CDC7: variants seen among roughly 807,000 people sequenced by gnomAD.
The protein encoded by CDC7 is cell division cycle 7, also known as cell division cycle 7-related protein kinase.
CDC7 carries 34 observed loss-of-function variants against 53.5 expected under a neutral mutation model. The ratio of observed to expected loss-of-function variants is 0.64; its 90% CI spans 0.48 to 0.85. The LOEUF (loss-of-function observed/expected upper bound fraction) is 0.85, where lower values mean the gene tolerates loss of function less well. CDC7 is among the 40% of genes least tolerant of loss of function. CDC7 has a pLI of 0.00. For synonymous variants in CDC7, 211 were observed against 222.8 expected (o/e 0.95, Z 0.47); for missense variants, 594 against 679.7 (o/e 0.87, Z 1.40).
chr1:91,520,427 C>T, intron 11 of CDC7, 148 bp downstream of exon 11: 1 of 604,516 alleles, frequency 1.7e-6, no homozygotes, highest in Non-Finnish European at 2.7e-6. Context: ...TCTTCAGTTG[C>T]TTGAAAATAA....
At chr1:91,521,806 T>C (rs961516732) in intron 11 of CDC7, among the ~76,000 whole-genome samples, 1 of 152,036 alleles carries the variant, frequency 6.6e-6, no homozygotes, top group Non-Finnish European at 1.5e-5. Context: ...AAAAATACTC[T>C]AGATCAAGTG....
At position 91,511,918 on chromosome 1, in the gene CDC7, GA is replaced by G; in HGVS notation, c.572del (p.Lys191SerfsTer5). ...GCAATTTTTTATATAATAGGCGCCT[GA>G]AAAAGTAAGTATGAAGAGTTACTAG... ...PSNFLYNRRL[K>X]KYALVDFGLA... On this transcript the variant is annotated frameshift_variant, in exon 6 of 12. Transcript: ENST00000234626. LOFTEE classifies it high-confidence loss of function. 6.4e-7 allele frequency: 1 copy of G among 1,574,018 alleles called. No individual in the cohort carries two copies. The highest frequency in any genetic ancestry group is 8.7e-7 in the Non-Finnish European group (1 of 1,154,148).
chr1:91,508,391 T>C lies in CDC7; in HGVS notation c.329T>C (p.Val110Ala), dbSNP rs775728871. ...GCAGCTGAACTTCAGTGCCTAACAG[T>C]GGCTGGGTAGGCAATTTAAACATAT... ...RIAAELQCLT[V>A]AGGQDNVMGV... Residue 110 changes from valine (V) to alanine (A), a missense_variant, in exon 4 of 12, where the codon GTG becomes GCG. Coordinates refer to ENST00000234626, the MANE Select transcript of CDC7 (RefSeq NM_003503.4). 1.9e-6 allele frequency: 3 copies of C among 1,607,292 alleles called. No individual in the cohort carries two copies. The highest frequency in any genetic ancestry group is 2.5e-6 in the Non-Finnish European group (3 of 1,176,830).
chr1:91,518,684 T>G (rs111349457), intron 10 of CDC7, among the ~76,000 whole-genome samples: 216 of 152,126 alleles, frequency 1.4e-3, no homozygotes, highest in African/African-American at 4.8e-3. Context: ...ATCTAAAAAT[T>G]AAAACAATTG....
chr1:91,519,981 C>G, intron 10 of CDC7, 149 bp from the exon 11 acceptor site: 1 of 514,824 alleles, frequency 1.9e-6, no homozygotes, highest in Non-Finnish European at 3.2e-6. Context: ...TACTTCAGAA[C>G]TGTTCAATCA....
intron 10 of CDC7, 95 bp downstream of exon 10, chr1:91,515,971 GTTC>G (rs1305493151): frequency 3.3e-5 from 34 of 1,018,950 alleles, no homozygotes; most frequent in Admixed American, 1.9e-4. Context: ...TAATATTTGA[GTTC>G]TTCTGCTTTT....
rs1449243016 is a variant in CDC7 at position 91,513,043 on chromosome 1, A to G, written c.573-15A>G. 1 of 1,608,554 alleles carries G rather than the reference A, an allele frequency of 6.2e-7. No homozygotes were observed. The highest frequency in any genetic ancestry group is 1.3e-5 in the African/African-American group (1 of 74,504). On this transcript the variant is annotated splice_polypyrimidine_tract_variant and intron_variant, in intron 6 of 11. Coordinates refer to ENST00000234626, the MANE Select transcript of CDC7 (RefSeq NM_003503.4). Reference sequence around the variant, plus strand: ...TTGCTACAGATAAGTAAAAATGCTTAATTTTGTCTCTTAGGTATGCCTTGG... The same window carrying G: ...TTGCTACAGATAAGTAAAAATGCTTGATTTTGTCTCTTAGGTATGCCTTGG...
At position 91,525,732 on chromosome 1, in the gene CDC7, A is replaced by G. The variant is rs1444287785; in HGVS notation, c.*1297A>G. 2 of 152,030 alleles carry G rather than the reference A, an allele frequency of 1.3e-5. No homozygotes were observed. Among genetic ancestry groups the G allele is most frequent in the Non-Finnish European group, 2.9e-5 (2 of 67,942 alleles). The allele number at this position is 152,030 out of a possible 1,614,324, so 9.4% of individuals were successfully genotyped here. A position where few individuals can be genotyped will look rare whatever the true frequency, so the allele number is the denominator to read the frequency against. On this transcript the variant is annotated 3_prime_UTR_variant, in exon 12 of 12. Coordinates refer to ENST00000234626, the MANE Select transcript of CDC7 (RefSeq NM_003503.4). ...AAAATTTGAATGCTCTTGAATTTGT[A>G]TATTCAATAAAGTTATCCTTTTATA...
chr1:91,502,956 A>T (rs1666780956), intron 2 of CDC7, among the ~76,000 whole-genome samples: 1 of 151,734 alleles, frequency 6.6e-6, no homozygotes, highest in Non-Finnish European at 1.5e-5. Flanking sequence ...TCTTTCCCTT[A>T]CTAGTCACTG....
At chr1:91,523,929 T>G in intron 11 of CDC7, 112 bp from the exon 12 acceptor site, 1 of 681,292 alleles carries the variant, frequency 1.5e-6, no homozygotes, top group Non-Finnish European at 2.5e-6. Context: ...TGTGTGTCCA[T>G]GTCTATAAAG....
chr1:91,508,173 T>C (rs931175195), intron 3 of CDC7, 89 bp from the exon 4 acceptor site: 3 of 1,048,722 alleles, frequency 2.9e-6, no homozygotes, highest in Non-Finnish European at 4.1e-6. Context: ...TATTATGCCA[T>C]TGAAACAGTT....
chr1:91,505,631 T>C (rs1666945861), intron 2 of CDC7, among the ~76,000 whole-genome samples: 1 of 152,218 alleles, frequency 6.6e-6, no homozygotes, highest in Non-Finnish European at 1.5e-5. Context: ...CCTCCAGTCC[T>C]CAAAGTCTGT....
chr1:91,501,177 C>G (rs956170150), intron 1 of CDC7: 1 of 152,354 alleles, frequency 6.6e-6, no homozygotes, highest in African/African-American at 2.4e-5. Flanking sequence ...CGCTGGCCGG[C>G]GGATTCCCAT....
rs1161900052 is a variant in CDC7, at chr1:91,524,108, G to C, written c.1398G>C (p.Arg466Ser). Reference sequence around the variant, plus strand: ...TGAGAAAACTCTGTGAGAGACTCAGGGGTATGGATTCTAGCACTCCCAAGT... The same window carrying C: ...TGAGAAAACTCTGTGAGAGACTCAGCGGTATGGATTCTAGCACTCCCAAGT... ...QDLRKLCERL[R>S]GMDSSTPKLT... Residue 466 changes from arginine to serine, a missense_variant, in exon 12 of 12, where the codon AGG becomes AGC. Physicochemically the swap from Arg to Ser is moderately radical, Grantham distance 110. Coordinates refer to ENST00000234626, the MANE Select transcript of CDC7 (RefSeq NM_003503.4). The C allele has an allele frequency of 5.6e-6, 9 of 1,613,624 alleles. No homozygotes were observed. The South Asian group carries it at 9.9e-5, about 18-fold the overall frequency.
At position 91,520,173 on chromosome 1, in the gene CDC7, T is replaced by C. The variant is rs776206015; in HGVS notation, c.1224T>C (p.Leu408=). Reference sequence around the variant, plus strand: ...CAGGTGTCATATTTCTTTCTTTGCTTAGTGGACGATATCCATTTTATAAAG... The same window carrying C: ...CAGGTGTCATATTTCTTTCTTTGCTCAGTGGACGATATCCATTTTATAAAG... ...WSAGVIFLSL[L]SGRYPFYKAS... The change falls in exon 11 of 12, where the codon CTT becomes CTC. Residue 408 remains leucine (L), a synonymous_variant. Coordinates refer to ENST00000234626, the MANE Select transcript of CDC7 (RefSeq NM_003503.4). The C allele has an allele frequency of 1.9e-6, 3 of 1,609,528 alleles. No individual in the cohort carries two copies. Among genetic ancestry groups the C allele is most frequent in the South Asian group, 1.1e-5 (1 of 90,098 alleles).
chr1:91,504,990 A>G (rs1270448792), intron 2 of CDC7, among the ~76,000 whole-genome samples: 3 of 152,238 alleles, frequency 2.0e-5, no homozygotes, highest in African/African-American at 7.2e-5. Context: ...AAAGTGATTA[A>G]TGTTACTAAG....
In CDC7 at chr1:91,513,473, A is replaced by G. The variant is rs571886392; in HGVS notation, c.822+166A>G. Among the ~76,000 whole-genome samples, 100 of 152,262 alleles carry G rather than the reference A, an allele frequency of 6.6e-4. 1 individual carries two copies. The highest frequency in any genetic ancestry group is 2.4e-3 in the African/African-American group (99 of 41,570). On this transcript the variant is annotated intron_variant, in intron 7 of 11. Transcript: ENST00000234626. The stretch of plus-strand genomic sequence containing the variant: ...TAAATTTTCACTAAGATTTGTACTG[A>G]ATCATTTTGGTTACTATTTTAAAAC...
intron 11 of CDC7, among the ~76,000 whole-genome samples, chr1:91,520,843 ATGGGATAT>A (rs1207923596): frequency 7.2e-5 from 11 of 152,168 alleles, no homozygotes; most frequent in Non-Finnish European, 1.3e-4. Context: ...GCCTTAACTG[ATGGGATAT>A]TATTGTAAGC....
At chr1:91,501,348 G>A (rs766636482) in intron 1 of CDC7, 16 of 220,588 alleles carry the variant, frequency 7.3e-5, no homozygotes, top group Non-Finnish European at 1.2e-4. Flanking sequence ...CGCCCCCGGC[G>A]CTCGGCCCCT....
Sources: gnomAD v4.1 joint callset for allele counts (sites outside exome capture counted in the v4.1 genomes callset) on GRCh38, gnomAD v4.1.1 for gene constraint, MANE v1.5 for transcripts, NCBI Gene and HGNC (gene_info 2026-07-23, HGNC 2026-07-21) for gene names.